Variants in LRRIQ4 observed in about 807,000 individuals in gnomAD.
LRRIQ4 encodes leucine rich repeats and IQ motif containing 4, also known as leucine-rich repeat and IQ domain-containing protein 4.
LRRIQ4 carries 21 observed loss-of-function variants against 40.1 expected under a neutral mutation model. That is an observed-to-expected ratio of 0.52 (90% CI 0.37 to 0.75). The LOEUF is 0.75. LRRIQ4 is among the 30% of genes least tolerant of loss of function. The pLI, the probability that LRRIQ4 is intolerant of heterozygous loss-of-function variation, is 0.00. For synonymous variants in LRRIQ4, 277 were observed against 277.1 expected (o/e 1.00, Z 0.00); for missense variants, 655 against 660.0 (o/e 0.99, Z 0.08).
intron 1 of LRRIQ4, among the ~76,000 whole-genome samples, chr3:169,814,246 C>T (rs1779709072): frequency 6.6e-6 from 1 of 152,036 alleles, no homozygotes; most frequent in Non-Finnish European, 1.5e-5. Flanking sequence ...AGGTGGTTTT[C>T]CCCTGGAGTC....
At chr3:169,819,938 G>C (rs1268342607) in intron 1 of LRRIQ4, among the ~76,000 whole-genome samples, 2 of 152,176 alleles carry the variant, frequency 1.3e-5, no homozygotes, top group Non-Finnish European at 2.9e-5. Flanking sequence ...AAATGCTGGA[G>C]ACAGCTAGTT....
In LRRIQ4 at chr3:169,837,739, T is replaced by C. The variant is rs984268194; in HGVS notation, c.*108T>C. 18 of 854,434 alleles carry C rather than the reference T, an allele frequency of 2.1e-5. No homozygotes were observed. In the East Asian group the frequency reaches 4.7e-4, roughly 22 times the overall value. 52.9% of individuals were successfully genotyped at this position (854,434 alleles called of 1,614,324 possible). A position where few individuals can be genotyped will look rare whatever the true frequency, so the allele number is the denominator to read the frequency against. On this transcript the variant is annotated 3_prime_UTR_variant, in exon 6 of 6. Coordinates refer to ENST00000340806, the MANE Select transcript of LRRIQ4 (RefSeq NM_001080460.3). ...AAAATTATTCATAAAATTACACTTATGTGTAAAAATAAATGATTCTTACTT... is the reference window on the plus strand; with the variant it reads ...AAAATTATTCATAAAATTACACTTACGTGTAAAAATAAATGATTCTTACTT...
At chr3:169,826,888 C>T (rs1490654760) in intron 2 of LRRIQ4, among the ~76,000 whole-genome samples, 1 of 152,156 alleles carries the variant, frequency 6.6e-6, no homozygotes, top group Admixed American at 6.5e-5. Context: ...ACTGTTACAG[C>T]ATTTTTAGGA....
At chr3:169,835,120 CAGA>C (rs1325225512) in intron 5 of LRRIQ4, among the ~76,000 whole-genome samples, 1 of 152,048 alleles carries the variant, frequency 6.6e-6, no homozygotes, top group Non-Finnish European at 1.5e-5. Flanking sequence ...TTAAAGAGAA[CAGA>C]AGAAGCTTTT....
Position 169,830,564 on chromosome 3 carries a change from C to T in LRRIQ4, c.1267C>T (p.Leu423=), listed in dbSNP as rs927217727. 1.9e-6 allele frequency: 3 copies of T among 1,613,632 alleles called. No homozygotes were observed. The highest frequency in any genetic ancestry group is 2.7e-5 in the African/African-American group (2 of 75,004). ...LPVSLGSMPN[L]EVLDCRHNLL... is the part of the protein sequence containing the mutation. ...CGTATCCTTGGGGTCAATGCCTAAC[C>T]TAGAAGTTCTTGATTGCCGGCACAA... Residue 423 remains leucine (L), a synonymous_variant, in exon 4 of 6, where the codon CTA becomes TTA. Coordinates refer to ENST00000340806, the MANE Select transcript of LRRIQ4 (RefSeq NM_001080460.3).
chr3:169,817,768 C>T (rs78268514), intron 1 of LRRIQ4, among the ~76,000 whole-genome samples: 2,382 of 151,742 alleles, frequency 0.016, 68 homozygotes, highest in African/African-American at 0.055. Context: ...TTTTTGTTTT[C>T]CATTTGCATA....
intron 5 of LRRIQ4, among the ~76,000 whole-genome samples, chr3:169,835,823 C>G (rs1386759139): frequency 2.0e-5 from 3 of 152,200 alleles, no homozygotes; most frequent in Non-Finnish European, 1.5e-5. Flanking sequence ...AAGCATGTTC[C>G]TGGCTCAGGG....
In LRRIQ4 at chr3:169,830,628, A is replaced by G. The variant is rs750645330; in HGVS notation, c.1331A>G (p.Gln444Arg). The G allele has an allele frequency of 1.9e-6, 3 of 1,613,660 alleles. No homozygotes were observed. Among genetic ancestry groups the G allele is most frequent in the South Asian group, 1.1e-5 (1 of 90,940 alleles). ...CTTCCAGATGCCATTTGCCAAGCACAAGGTGAGGAAACTTAGTAGATTCAC... is the reference window on the plus strand; with the variant it reads ...CTTCCAGATGCCATTTGCCAAGCACGAGGTGAGGAAACTTAGTAGATTCAC... ...KQLPDAICQA[Q>R]ALKELRLEDN... Residue 444 changes from glutamine (Q) to arginine (R), a missense_variant and splice_region_variant, in exon 4 of 6, where the codon CAA becomes CGA. Gln to Arg is a conservative substitution (Grantham distance 43). Coordinates refer to ENST00000340806, the MANE Select transcript of LRRIQ4 (RefSeq NM_001080460.3).
At chr3:169,819,640 A>G (rs1779837882) in intron 1 of LRRIQ4, among the ~76,000 whole-genome samples, 1 of 152,164 alleles carries the variant, frequency 6.6e-6, no homozygotes, top group Admixed American at 6.5e-5. Context: ...ACTTCCTACC[A>G]TGTTCTGAGA....
At chr3:169,823,537 G>C (rs1270743240) in intron 2 of LRRIQ4, among the ~76,000 whole-genome samples, 1 of 152,046 alleles carries the variant, frequency 6.6e-6, no homozygotes, top group Non-Finnish European at 1.5e-5. Context: ...TAGTAGAGAC[G>C]GGGTTTCACG....
intron 5 of LRRIQ4, among the ~76,000 whole-genome samples, chr3:169,834,338 G>A (rs9827139): frequency 0.016 from 2,472 of 152,284 alleles, 73 homozygotes; most frequent in African/African-American, 0.056. Flanking sequence ...CTCCAGCCTG[G>A]GCAACAGCTG....
chr3:169,831,751 C>T (rs1158795131), intron 4 of LRRIQ4, among the ~76,000 whole-genome samples: 2 of 150,708 alleles, frequency 1.3e-5, no homozygotes, highest in African/African-American at 2.4e-5. Flanking sequence ...GGCAGATCAC[C>T]TGAGGTTAGG....
At chr3:169,820,829 GTC>G (rs1440188581) in intron 1 of LRRIQ4, among the ~76,000 whole-genome samples, 6 of 152,180 alleles carry the variant, frequency 3.9e-5, no homozygotes, top group Non-Finnish European at 7.3e-5. Context: ...TTCAGGACCT[GTC>G]TCTGTTCTTT....
At chr3:169,831,476 T>TCA (rs1392542346) in intron 4 of LRRIQ4, among the ~76,000 whole-genome samples, 3 of 87,158 alleles carry the variant, frequency 3.4e-5, no homozygotes, top group Non-Finnish European at 6.5e-5. Flanking sequence ...TTTTTTTTTT[T>TCA]TTTTTTTAGT....
chr3:169,824,009 G>A (rs574178000), intron 2 of LRRIQ4, among the ~76,000 whole-genome samples: 6 of 152,066 alleles, frequency 3.9e-5, no homozygotes, highest in East Asian at 1.9e-4. Context: ...CTAAGGTTCC[G>A]CATCAAACTG....
At chr3:169,831,511 C>T (rs1780177076) in intron 4 of LRRIQ4, among the ~76,000 whole-genome samples, 1 of 112,428 alleles carries the variant, frequency 8.9e-6, no homozygotes, top group Non-Finnish European at 1.7e-5. Context: ...ACTGTGTTAG[C>T]CAGGATGGTC....
At chr3:169,818,808 T>C (rs970392836) in intron 1 of LRRIQ4, among the ~76,000 whole-genome samples, 18 of 152,230 alleles carry the variant, frequency 1.2e-4, no homozygotes, top group Non-Finnish European at 2.2e-4. Context: ...AGTGAAGTTT[T>C]AAGCAAAATC....
intron 2 of LRRIQ4, among the ~76,000 whole-genome samples, chr3:169,827,069 G>A (rs1780055090): frequency 6.6e-6 from 1 of 152,142 alleles, no homozygotes; most frequent in Admixed American, 6.5e-5. Flanking sequence ...AGGTGGGGGT[G>A]GGAGTGGCTC....
At chr3:169,821,839 G>C in intron 1 of LRRIQ4, 52 bp from the exon 2 acceptor site, 1 of 935,998 alleles carries the variant, frequency 1.1e-6, no homozygotes, top group Non-Finnish European at 1.5e-6. Context: ...AGGATAGCAA[G>C]TCTGGTGGCA....
Sources: gnomAD v4.1 joint callset for allele counts (sites outside exome capture counted in the v4.1 genomes callset) on GRCh38, gnomAD v4.1.1 for gene constraint, MANE v1.5 for transcripts, NCBI Gene and HGNC (gene_info 2026-07-23, HGNC 2026-07-21) for gene names.